CARMIL1: variants seen among roughly 807,000 people sequenced by gnomAD.
The protein encoded by CARMIL1 is F-actin-uncapping protein LRRC16A.
In CARMIL1, 90 loss-of-function variants were observed where a neutral mutation model predicts 177.1. That is an observed-to-expected ratio of 0.51 (90% confidence interval 0.43 to 0.61). The LOEUF (loss-of-function observed/expected upper bound fraction) is 0.61. Among genes scored for constraint, CARMIL1 ranks in the 20% least tolerant of loss-of-function variants. The pLI, the probability that CARMIL1 is intolerant of heterozygous loss-of-function variation, is 0.00. For synonymous variants in CARMIL1, 577 were observed against 606.2 expected (o/e 0.95, Z 0.71); for missense variants, 1,380 against 1,667.0 (o/e 0.83, Z 3.00).
chr6:25,377,769 C>T (rs1791135879), intron 2 of CARMIL1, among the ~76,000 whole-genome samples: 1 of 152,174 alleles, frequency 6.6e-6, no homozygotes, highest in Non-Finnish European at 1.5e-5. Context: ...CATGACTTTT[C>T]TCCTTCCTGC....
intron 2 of CARMIL1, among the ~76,000 whole-genome samples, chr6:25,314,591 T>G (rs1302710845): frequency 6.6e-6 from 1 of 152,162 alleles, no homozygotes; most frequent in African/African-American, 2.4e-5. Flanking sequence ...CACTTATATA[T>G]TCACAATGAT....
At chr6:25,424,637 G>T (rs980381690) in intron 3 of CARMIL1, among the ~76,000 whole-genome samples, 3 of 152,176 alleles carry the variant, frequency 2.0e-5, no homozygotes, top group Non-Finnish European at 4.4e-5. Context: ...TTTAGTGAAA[G>T]ATATTTTATG....
chr6:25,536,453 A>C (rs941381004), intron 24 of CARMIL1, among the ~76,000 whole-genome samples: 1 of 152,106 alleles, frequency 6.6e-6, no homozygotes, highest in Non-Finnish European at 1.5e-5. Context: ...TCTTTTTCCT[A>C]GGGGGATCTC....
intron 8 of CARMIL1, among the ~76,000 whole-genome samples, chr6:25,463,584 C>CAA (rs147126231): frequency 1.3e-5 from 2 of 152,162 alleles, no homozygotes; most frequent in Admixed American, 6.5e-5. Context: ...ATTAAATCCA[C>CAA]AAAAAAGATG....
At chr6:25,477,648 T>G (rs2150958518) in intron 11 of CARMIL1, among the ~76,000 whole-genome samples, 1 of 152,192 alleles carries the variant, frequency 6.6e-6, no homozygotes, top group East Asian at 1.9e-4. Context: ...AGCAGTGGAA[T>G]AGAACAGAAA....
chr6:25,342,751 C>T (rs1223543893), intron 2 of CARMIL1, among the ~76,000 whole-genome samples: 1 of 151,986 alleles, frequency 6.6e-6, no homozygotes, highest in Non-Finnish European at 1.5e-5. Flanking sequence ...TATTTAAATA[C>T]TTTATACTGT....
intron 2 of CARMIL1, among the ~76,000 whole-genome samples, chr6:25,297,269 T>G (rs1883393): frequency 0.14 from 20,661 of 152,236 alleles, 2,155 homozygotes; most frequent in East Asian, 0.39. Context: ...CGTAGTCACA[T>G]ATTTGGCTTG....
intron 35 of CARMIL1, among the ~76,000 whole-genome samples, chr6:25,607,343 A>G (rs742132): frequency 0.29 from 43,799 of 152,012 alleles, 6,386 homozygotes; most frequent in Non-Finnish European, 0.3. Context: ...AATTAGTCAA[A>G]CAGGGATAAA....
chr6:25,478,006 C>G (rs925180436), intron 11 of CARMIL1, among the ~76,000 whole-genome samples: 4 of 151,950 alleles, frequency 2.6e-5, no homozygotes, highest in African/African-American at 9.7e-5. Context: ...CAGGTGTGCA[C>G]TACCACACCT....
At chr6:25,489,681 T>C (rs1386133166) in intron 13 of CARMIL1, among the ~76,000 whole-genome samples, 1 of 152,214 alleles carries the variant, frequency 6.6e-6, no homozygotes, top group Non-Finnish European at 1.5e-5. Flanking sequence ...TTTCTCTTGT[T>C]TTGGTTTACC....
chr6:25,303,408 G>C (rs1233973391), intron 2 of CARMIL1, among the ~76,000 whole-genome samples: 1 of 152,138 alleles, frequency 6.6e-6, no homozygotes, highest in African/African-American at 2.4e-5. Context: ...CCTCAATTGG[G>C]GAAGTAACAG....
At chr6:25,422,667 A>G (rs1795959492) in intron 3 of CARMIL1, among the ~76,000 whole-genome samples, 1 of 152,210 alleles carries the variant, frequency 6.6e-6, no homozygotes, top group African/African-American at 2.4e-5. Context: ...TTAATTAGAC[A>G]TTATCCCACT....
At chr6:25,498,145 G>A (rs1031967010) in intron 16 of CARMIL1, among the ~76,000 whole-genome samples, 2 of 152,004 alleles carry the variant, frequency 1.3e-5, no homozygotes, top group African/African-American at 4.8e-5. Context: ...CTGTCATGTG[G>A]TACCCCTTCT....
In CARMIL1 at chr6:25,619,594, C is replaced by T. The variant is rs1164273444; in HGVS notation, c.*11C>T. Reference sequence around the variant, plus strand: ...TTTATTTTTGTGTAAAGGTCACCCACGCAGAAGTCTTCCTGTGCAGGGTGC... The same window carrying T: ...TTTATTTTTGTGTAAAGGTCACCCATGCAGAAGTCTTCCTGTGCAGGGTGC... On this transcript the variant is annotated 3_prime_UTR_variant, in exon 37 of 37. Transcript: ENST00000329474. The T allele has an allele frequency of 1.4e-5, 22 of 1,612,198 alleles. No homozygotes were observed. Among genetic ancestry groups the T allele is most frequent in the Middle Eastern group, 1.7e-4 (1 of 6,046 alleles).
intron 31 of CARMIL1, among the ~76,000 whole-genome samples, chr6:25,586,842 C>T (rs1375533479): frequency 6.6e-6 from 1 of 152,038 alleles, no homozygotes; most frequent in Non-Finnish European, 1.5e-5. Context: ...CAATCCCAGG[C>T]ACTCGGCAGG....
intron 2 of CARMIL1, among the ~76,000 whole-genome samples, chr6:25,410,183 T>G (rs1415483448): frequency 6.6e-6 from 1 of 151,862 alleles, no homozygotes; most frequent in Non-Finnish European, 1.5e-5. Context: ...TTTTTTTCAT[T>G]TGATGAAAAT....
chr6:25,340,117 C>T (rs1381177930), intron 2 of CARMIL1, among the ~76,000 whole-genome samples: 1 of 152,186 alleles, frequency 6.6e-6, no homozygotes, highest in Non-Finnish European at 1.5e-5. Flanking sequence ...TTAAGCCTTA[C>T]CCTAGTCAGA....
chr6:25,605,948 C>G, intron 34 of CARMIL1, 113 bp from the exon 35 acceptor site: 1 of 690,758 alleles, frequency 1.4e-6, no homozygotes, highest in South Asian at 1.9e-5. Context: ...ACTCTTAAAA[C>G]ATCCGTGATG....
chr6:25,461,264 A>AAAGT (rs1800092333), intron 8 of CARMIL1, among the ~76,000 whole-genome samples: 1 of 152,200 alleles, frequency 6.6e-6, no homozygotes, highest in African/African-American at 2.4e-5. Context: ...TTTCTGTTCG[A>AAAGT]AAGTTTTCTA....
Sources: allele counts gnomAD v4.1 joint callset (sites outside exome capture counted in the v4.1 genomes callset), GRCh38; gene constraint gnomAD v4.1.1; transcripts MANE v1.5; gene names NCBI Gene and HGNC (gene_info 2026-07-23, HGNC 2026-07-21).